Variants in ANK3 observed in about 807,000 individuals in gnomAD.
The protein encoded by ANK3 is ankyrin 3.
Under a neutral mutation model 370.9 loss-of-function variants are expected in ANK3, and 57 were observed. The ratio of observed to expected loss-of-function variants is 0.15; its 90% CI spans 0.12 to 0.19. ANK3 has a LOEUF of 0.19. ANK3 is among the 10% of genes least tolerant of loss of function. The pLI is 1.00. For synonymous variants in ANK3, 1,929 were observed against 1,946.3 expected, an observed-to-expected ratio of 0.99 and a Z score of 0.23; for missense variants, 4,439 against 5,302.1, an observed-to-expected ratio of 0.84 and a Z score of 5.06.
chr10:60,078,878 C>T (rs1452791407), intron 36 of ANK3, among the ~76,000 whole-genome samples: 1 of 152,094 alleles, frequency 6.6e-6, no homozygotes. Flanking sequence ...CCTCTTCTAC[C>T]AAAAGTCCAG....
At chr10:60,564,271 A>G (rs1309126092) in intron 2 of ANK3, among the ~76,000 whole-genome samples, 7 of 152,244 alleles carry the variant, frequency 4.6e-5, no homozygotes. Flanking sequence ...TTAAAGTAAA[A>G]TGGAAAAGGA....
chr10:60,631,090 C>T (rs1395281516), intron 1 of ANK3, among the ~76,000 whole-genome samples: 2 of 152,086 alleles, frequency 1.3e-5, no homozygotes, highest in Non-Finnish European at 2.9e-5. Context: ...CTGATGATGC[C>T]ATCTCCTATG....
chr10:60,350,609 C>T (rs915958093), intron 1 of ANK3, among the ~76,000 whole-genome samples: 3 of 152,226 alleles, frequency 2.0e-5, no homozygotes, highest in African/African-American at 7.2e-5. Context: ...TTCTCTTAAA[C>T]CTCAGCTCTA....
chr10:60,479,207 G>C (rs898113327), intron 2 of ANK3, among the ~76,000 whole-genome samples: 1 of 151,952 alleles, frequency 6.6e-6, no homozygotes, highest in Non-Finnish European at 1.5e-5. Context: ...ACCACATAAC[G>C]TTTCAATGAT....
intron 1 of ANK3, among the ~76,000 whole-genome samples, chr10:60,629,571 A>G (rs1185683375): frequency 6.6e-6 from 1 of 152,162 alleles, no homozygotes; most frequent in Non-Finnish European, 1.5e-5. Context: ...GCTCCACAGA[A>G]TACTAATGAA....
At chr10:60,124,196 C>T (rs1055861155) in intron 25 of ANK3, among the ~76,000 whole-genome samples, 2 of 152,284 alleles carry the variant, frequency 1.3e-5, no homozygotes, top group African/African-American at 2.4e-5. Context: ...CTCACTCTGT[C>T]GCCTAGGCTC....
intron 8 of ANK3, among the ~76,000 whole-genome samples, chr10:60,219,700 T>C (rs2097008190): frequency 6.6e-6 from 1 of 152,190 alleles, no homozygotes; most frequent in Non-Finnish European, 1.5e-5. Context: ...CTGAGACTGG[T>C]ACTTAATACC....
At chr10:60,544,255 A>T (rs964851329) in intron 2 of ANK3, among the ~76,000 whole-genome samples, 8 of 152,144 alleles carry the variant, frequency 5.3e-5, no homozygotes, top group Admixed American at 3.9e-4. Flanking sequence ...TTATAGTTCA[A>T]CCCATTTTGA....
chr10:60,337,406 C>G (rs893647031), intron 1 of ANK3, among the ~76,000 whole-genome samples: 1 of 152,122 alleles, frequency 6.6e-6, no homozygotes, highest in Non-Finnish European at 1.5e-5. Flanking sequence ...ACATGACCCT[C>G]TCTGTTTTCC....
Position 60,173,195 on chromosome 10 carries a change from AT to A in ANK3, c.2185-10del. 1 of 1,590,038 alleles carries A rather than the reference AT, an allele frequency of 6.3e-7. No homozygotes were observed. ...AGTGGTGTGTATCCCATCTGTAATT[AT>A]TATTTTTTTAAAAAAGAAGCATCAT... is the stretch of plus-strand genomic sequence containing the variant. On this transcript the variant is annotated splice_polypyrimidine_tract_variant and intron_variant, in intron 18 of 43. Coordinates refer to ENST00000280772, the MANE Select transcript of ANK3 (RefSeq NM_020987.5).
At chr10:60,061,495 G>T (rs2080452605) in intron 40 of ANK3, among the ~76,000 whole-genome samples, 1 of 152,000 alleles carries the variant, frequency 6.6e-6, no homozygotes, top group East Asian at 1.9e-4. Context: ...AAGAATATTA[G>T]AAGAATGTAT....
At chr10:60,359,033 T>C (rs760532813) in intron 1 of ANK3, among the ~76,000 whole-genome samples, 1 of 152,154 alleles carries the variant, frequency 6.6e-6, no homozygotes, top group Non-Finnish European at 1.5e-5. Flanking sequence ...TGGCTTATTG[T>C]TCACATGTTG....
chr10:60,603,624 A>G (rs1380943693), intron 2 of ANK3, among the ~76,000 whole-genome samples: 1 of 152,156 alleles, frequency 6.6e-6, no homozygotes, highest in Non-Finnish European at 1.5e-5. Flanking sequence ...AGATTACCAT[A>G]ATGAAATGTT....
intron 16 of ANK3, among the ~76,000 whole-genome samples, chr10:60,194,011 C>T (rs2096542196): frequency 6.6e-6 from 1 of 151,120 alleles, no homozygotes; most frequent in Non-Finnish European, 1.5e-5. Flanking sequence ...ATCCCAGCTA[C>T]TTGGGAGGCT....
chr10:60,714,525 C>T (rs1002356183), intron 1 of ANK3, among the ~76,000 whole-genome samples: 4 of 152,096 alleles, frequency 2.6e-5, no homozygotes, highest in Admixed American at 6.6e-5. Flanking sequence ...TAAAAATAAT[C>T]GTACATCTTG....
intron 1 of ANK3, among the ~76,000 whole-genome samples, chr10:60,640,057 A>G (rs2078609676): frequency 1.3e-5 from 2 of 152,132 alleles, no homozygotes; most frequent in Admixed American, 6.6e-5. Flanking sequence ...AAAGCCAAAA[A>G]GGCTAAATTC....
intron 1 of ANK3, among the ~76,000 whole-genome samples, chr10:60,730,664 T>G (rs948897084): frequency 6.6e-6 from 1 of 152,166 alleles, no homozygotes; most frequent in African/African-American, 2.4e-5. Flanking sequence ...CCAAGTACCT[T>G]AACATTAACC....
intron 2 of ANK3, among the ~76,000 whole-genome samples, chr10:60,575,608 C>A (rs1462762404): frequency 6.6e-6 from 1 of 152,092 alleles, no homozygotes; most frequent in Non-Finnish European, 1.5e-5. Context: ...TGTCCATTTT[C>A]TGTAACTTGA....
At chr10:60,355,850 G>C (rs1047714988) in intron 1 of ANK3, among the ~76,000 whole-genome samples, 2 of 152,124 alleles carry the variant, frequency 1.3e-5, no homozygotes, top group Non-Finnish European at 2.9e-5. Context: ...AGGCCAGTAA[G>C]GATTTTCTTC....
Sources: allele counts gnomAD v4.1 joint callset (sites outside exome capture counted in the v4.1 genomes callset), GRCh38; gene constraint gnomAD v4.1.1; transcripts MANE v1.5; gene names NCBI Gene and HGNC (gene_info 2026-07-23, HGNC 2026-07-21).